Variants in TMPRSS12 observed in about 807,000 individuals in gnomAD.
TMPRSS12 encodes the protein transmembrane protease serine 12.
In TMPRSS12, 25 loss-of-function variants were observed where a neutral mutation model predicts 26.0. That is an observed-to-expected ratio of 0.96 (90% CI 0.70 to 1.34). The LOEUF (loss-of-function observed/expected upper bound fraction) is 1.34. Ranked by LOEUF, TMPRSS12 falls within the 40% of genes most tolerant of loss-of-function variation. TMPRSS12 has a pLI of 0.00. For missense variants in TMPRSS12, 441 were observed against 440.1 expected, an observed-to-expected ratio of 1.00 and a Z score of -0.02; for synonymous variants, 150 against 161.7, an observed-to-expected ratio of 0.93 and a Z score of 0.55.
At chr12:50,866,338 G>A (rs1463309956) in intron 3 of TMPRSS12, among the ~76,000 whole-genome samples, 2 of 152,166 alleles carry the variant, frequency 1.3e-5, no homozygotes, top group Middle Eastern at 3.4e-3. Flanking sequence ...GTGGGAGCTG[G>A]ATGAGGCCTG....
rs750048309 is a variant in TMPRSS12 at position 50,843,993 on chromosome 12, A to AG, written c.340dup (p.Glu114GlyfsTer12). 18 of 1,605,248 alleles carry AG rather than the reference A, an allele frequency of 1.1e-5. No individual in the cohort carries two copies. The highest frequency in any genetic ancestry group is 1.7e-6 in the Non-Finnish European group (2 of 1,176,110). ...ATGTATGTGGGGGAACCCTAGTGAG[A>AG]GAGAGGTGGGTCCTCACAGCTGCCC... On this transcript the variant is annotated frameshift_variant, in exon 2 of 5. Coordinates refer to ENST00000398458, the MANE Select transcript of TMPRSS12 (RefSeq NM_182559.3). LOFTEE classifies it high-confidence loss of function.
chr12:50,850,517 C>T (rs1937815886), intron 2 of TMPRSS12, among the ~76,000 whole-genome samples: 1 of 152,158 alleles, frequency 6.6e-6, no homozygotes, highest in African/African-American at 2.4e-5. Flanking sequence ...GGGGTTGACG[C>T]TGCAGTGAGC....
At position 50,846,236 on chromosome 12, in the gene TMPRSS12, T is replaced by C. The variant is rs1343879335; in HGVS notation, c.383+2199T>C. ...ATCAAATCCAGTATCACGAAGCTTT[T>C]CCCCTATGTTTTCTTCTAAGAGTTT... On this transcript the variant is annotated intron_variant, in intron 2 of 4. Coordinates refer to ENST00000398458, the MANE Select transcript of TMPRSS12 (RefSeq NM_182559.3). Among the ~76,000 whole-genome samples, 7 of 152,350 alleles carry C rather than the reference T, an allele frequency of 4.6e-5. No homozygotes were observed. The East Asian group carries it at 1.3e-3, about 29-fold the overall frequency.
At chr12:50,862,701 T>C (rs768233619) in intron 3 of TMPRSS12, among the ~76,000 whole-genome samples, 3 of 152,044 alleles carry the variant, frequency 2.0e-5, no homozygotes, top group Non-Finnish European at 2.9e-5. Context: ...AATTTTTGTA[T>C]TTTTAGTAGA....
At chr12:50,853,202 TAAAC>T (rs1937843061) in intron 2 of TMPRSS12, among the ~76,000 whole-genome samples, 2 of 152,160 alleles carry the variant, frequency 1.3e-5, no homozygotes, top group African/African-American at 2.4e-5. Flanking sequence ...ACATGGAAAT[TAAAC>T]AATCTTCTCT....
At chr12:50,882,374 T>A (rs1938184433) in intron 3 of TMPRSS12, among the ~76,000 whole-genome samples, 2 of 136,344 alleles carry the variant, frequency 1.5e-5, no homozygotes, top group African/African-American at 2.7e-5. Flanking sequence ...GGAGGGAGGC[T>A]AAAAAAAGAA....
chr12:50,859,621 G>C (rs1346810353), intron 3 of TMPRSS12, among the ~76,000 whole-genome samples: 1 of 152,170 alleles, frequency 6.6e-6, no homozygotes, highest in Non-Finnish European at 1.5e-5. Flanking sequence ...GCCTCCCAAA[G>C]TGTTGAGATT....
At chr12:50,872,429 C>T (rs542934802) in intron 3 of TMPRSS12, among the ~76,000 whole-genome samples, 21 of 138,124 alleles carry the variant, frequency 1.5e-4, no homozygotes, top group African/African-American at 4.4e-4. Context: ...AGGAGAATGG[C>T]GTGAACCCGG....
At chr12:50,872,006 G>C (rs1468027427) in intron 3 of TMPRSS12, among the ~76,000 whole-genome samples, 2 of 152,010 alleles carry the variant, frequency 1.3e-5, no homozygotes, top group African/African-American at 4.8e-5. Flanking sequence ...ATGTAAACTA[G>C]TACAGCCACT....
At chr12:50,854,042 A>G (rs1937853159) in intron 2 of TMPRSS12, among the ~76,000 whole-genome samples, 1 of 152,152 alleles carries the variant, frequency 6.6e-6, no homozygotes, top group Admixed American at 6.6e-5. Flanking sequence ...TTTCAGGCCA[A>G]TATTCCTCAT....
At chr12:50,882,029 A>T (rs1938178831) in intron 3 of TMPRSS12, among the ~76,000 whole-genome samples, 1 of 116,888 alleles carries the variant, frequency 8.6e-6, no homozygotes, top group Non-Finnish European at 1.8e-5. Context: ...ATATATATAT[A>T]TATATATATA....
chr12:50,843,239 G>C, intron 1 of TMPRSS12, 88 bp downstream of exon 1: 2 of 1,396,108 alleles, frequency 1.4e-6, no homozygotes, highest in Non-Finnish European at 1.9e-6. Context: ...CTCCTTTTCT[G>C]TTGTCCCAAT....
At chr12:50,852,046 T>G (rs566227493) in intron 2 of TMPRSS12, among the ~76,000 whole-genome samples, 85 of 152,234 alleles carry the variant, frequency 5.6e-4, no homozygotes, top group Non-Finnish European at 8.5e-4. Context: ...GATCCTTAAG[T>G]GAGTACTAAA....
At position 50,872,817 on chromosome 12, in the gene TMPRSS12, G is replaced by GTC. The variant is rs375254658; in HGVS notation, c.653-12428_653-12427insCT. On this transcript the variant is annotated intron_variant, in intron 3 of 4. Coordinates refer to ENST00000398458, the MANE Select transcript of TMPRSS12 (RefSeq NM_182559.3). ...ACGTATATATGTACATATATATGACGTATATATGTACATATATATGACGTC... is the reference window on the plus strand; with the variant it reads ...ACGTATATATGTACATATATATGACGTCTATATATGTACATATATATGACGTC... Among the ~76,000 whole-genome samples the GTC allele has an allele frequency of 4.1e-3, 47 of 11,436 alleles. 1 individual carries two copies. Among genetic ancestry groups the GTC allele is most frequent in the Non-Finnish European group, 8.4e-3 (39 of 4,622 alleles). The allele number at this position is 11,436 out of a possible 152,430, so 7.5% of individuals were successfully genotyped here.
chr12:50,844,075 G>T, intron 2 of TMPRSS12, 38 bp downstream of exon 2: 2 of 1,462,624 alleles, frequency 1.4e-6, no homozygotes, highest in Non-Finnish European at 9.0e-7. Flanking sequence ...ATGCTCTTAG[G>T]GGATATTTTG....
In TMPRSS12 at chr12:50,887,342, T is replaced by G. The variant is rs1938237209; in HGVS notation, c.876T>G (p.His292Gln). 6.2e-7 allele frequency: 1 copy of G among 1,613,830 alleles called. No individual in the cohort carries two copies. The highest frequency in any genetic ancestry group is 1.3e-5 in the African/African-American group (1 of 74,912). The change falls in exon 5 of 5, where the codon CAT (histidine) becomes CAG (glutamine). Residue 292 changes from histidine (H) to glutamine (Q), a missense_variant. Transcript: ENST00000398458. ...FFVMGITSYG[H>Q]GCGRRGFPGV... ...TAATGGGAATTACCAGTTACGGACA[T>G]GGCTGTGGTCGAAGAGGTTTTCCTG...
At chr12:50,867,267 A>C (rs1937999887) in intron 3 of TMPRSS12, among the ~76,000 whole-genome samples, 1 of 152,248 alleles carries the variant, frequency 6.6e-6, no homozygotes, top group Non-Finnish European at 1.5e-5. Flanking sequence ...ATATTCAAGG[A>C]AATAGATAGC....
rs536053916 is a variant in TMPRSS12 at position 50,862,522 on chromosome 12, G to A, written c.652+3469G>A. 3.3e-5 allele frequency among the ~76,000 whole-genome samples: 5 copies of A among 151,620 alleles called. No individual in the cohort carries two copies. In the East Asian group the frequency reaches 1.0e-3, roughly 30 times the overall value. ...AAAAATGAGTCACACTCATGACCCA[G>A]CATATAATTTTTTTTTTTTTAAAGA... On this transcript the variant is annotated intron_variant, in intron 3 of 4. Coordinates refer to ENST00000398458, the MANE Select transcript of TMPRSS12 (RefSeq NM_182559.3).
chr12:50,863,057 G>T (rs1473857155), intron 3 of TMPRSS12, among the ~76,000 whole-genome samples: 2 of 151,938 alleles, frequency 1.3e-5, no homozygotes, highest in African/African-American at 2.4e-5. Context: ...GGTAGTGCAT[G>T]TCTATAGTCC....
Sources: gnomAD v4.1 joint callset for allele counts (sites outside exome capture counted in the v4.1 genomes callset) on GRCh38, gnomAD v4.1.1 for gene constraint, MANE v1.5 for transcripts, NCBI Gene and HGNC (gene_info 2026-07-23, HGNC 2026-07-21) for gene names.